Variants in RYR3 observed in about 807,000 individuals in gnomAD.
RYR3 encodes brain ryanodine receptor-calcium release channel.
Under a neutral mutation model 584.3 loss-of-function variants are expected in RYR3, and 207 were observed. The observed-to-expected ratio is 0.35, with a 90% CI of 0.32 to 0.40. RYR3 has a LOEUF of 0.40. RYR3 is among the 10% of genes least tolerant of loss of function. The pLI, the probability that RYR3 is intolerant of heterozygous loss-of-function variation, is 1.00. For synonymous variants in RYR3, 2,416 were observed against 2,248.5 expected (o/e 1.07, Z -2.11); for missense variants, 5,616 against 6,089.2 (o/e 0.92, Z 2.59).
At chr15:33,778,170 AAAAT>A (rs112695825) in intron 64 of RYR3, among the ~76,000 whole-genome samples, 13 of 148,298 alleles carry the variant, frequency 8.8e-5, no homozygotes, top group East Asian at 2.0e-4. Context: ...ACTCTGTCTC[AAAAT>A]AAATAAATAA....
chr15:33,417,078 T>C (rs1055481272), intron 1 of RYR3, among the ~76,000 whole-genome samples: 1 of 152,182 alleles, frequency 6.6e-6, no homozygotes, highest in Non-Finnish European at 1.5e-5. Flanking sequence ...TACCATGCTA[T>C]TTTGGTTACT....
At chr15:33,318,653 A>G (rs1463542146) in intron 1 of RYR3, among the ~76,000 whole-genome samples, 3 of 152,296 alleles carry the variant, frequency 2.0e-5, no homozygotes, top group African/African-American at 7.2e-5. Flanking sequence ...CTCCATCTTT[A>G]TTTAGACCTT....
chr15:33,653,007 A>G (rs916106913), intron 32 of RYR3, 124 bp downstream of exon 32: 18 of 912,866 alleles, frequency 2.0e-5, no homozygotes, highest in African/African-American at 1.4e-4. Context: ...CATGTGGGCC[A>G]TGGGCCACTT....
chr15:33,816,986 T>C (rs767313415), intron 75 of RYR3, 28 bp downstream of exon 75: 1 of 1,357,048 alleles, frequency 7.4e-7, no homozygotes, highest in Non-Finnish European at 1.0e-6. Context: ...TGGGAGCAGA[T>C]ATGAGTGTGG....
intron 2 of RYR3, among the ~76,000 whole-genome samples, chr15:33,474,042 C>T (rs1013471541): frequency 3.9e-5 from 6 of 152,204 alleles, no homozygotes; most frequent in African/African-American, 7.2e-5. Flanking sequence ...CACTGGTCTC[C>T]GCCTGCATGG....
intron 94 of RYR3, among the ~76,000 whole-genome samples, chr15:33,848,826 CTTTTTTTTT>C (rs769204969): frequency 8.4e-4 from 63 of 75,254 alleles, no homozygotes; most frequent in African/African-American, 3.6e-3. Context: ...CTGAAGTCCT[CTTTTTTTTT>C]TTTTTTTTTT....
At chr15:33,702,228 G>A (rs1415532307) in intron 42 of RYR3, among the ~76,000 whole-genome samples, 2 of 152,268 alleles carry the variant, frequency 1.3e-5, no homozygotes, top group East Asian at 1.9e-4. Context: ...GGAGGTCACC[G>A]TAGAGCCAAG....
At chr15:33,790,130 A>C (rs1410091827) in intron 67 of RYR3, among the ~76,000 whole-genome samples, 1 of 151,260 alleles carries the variant, frequency 6.6e-6, no homozygotes, top group Non-Finnish European at 1.5e-5. Flanking sequence ...AGCTGGGACT[A>C]CAGGCGCACA....
chr15:33,585,962 TAA>T lies in RYR3; in HGVS notation c.1670-35_1670-34del. 3 of 1,324,236 alleles carry T rather than the reference TAA, an allele frequency of 2.3e-6. No individual in the cohort carries two copies. In the African/African-American group the frequency reaches 4.3e-5, roughly 19 times the overall value. 82.0% of individuals were successfully genotyped at this position (1,324,236 alleles called of 1,614,324 possible). A position where few individuals can be genotyped will look rare whatever the true frequency, so the allele number is the denominator to read the frequency against. On this transcript the variant is annotated intron_variant, in intron 15 of 103. Transcript: ENST00000634891. Reference sequence around the variant, plus strand: ...ATTGTGGTCACTTCTGCAGGGCATTTAATGTCCAAATTTGATGTTTGTGGCAT... The same window carrying T: ...ATTGTGGTCACTTCTGCAGGGCATTTTGTCCAAATTTGATGTTTGTGGCAT...
At chr15:33,543,512 TCA>T in intron 7 of RYR3, 108 bp from the exon 8 acceptor site, 1 of 748,020 alleles carries the variant, frequency 1.3e-6, no homozygotes. Flanking sequence ...TGTGTCTCTC[TCA>T]GTATTTACCG....
intron 10 of RYR3, among the ~76,000 whole-genome samples, chr15:33,560,758 T>C (rs905678884): frequency 2.6e-5 from 4 of 152,222 alleles, no homozygotes; most frequent in African/African-American, 7.2e-5. Flanking sequence ...GATAAATGCA[T>C]TCTTGATGAA....
intron 32 of RYR3, among the ~76,000 whole-genome samples, chr15:33,658,849 C>A (rs992805737): frequency 6.6e-6 from 1 of 152,140 alleles, no homozygotes; most frequent in Non-Finnish European, 1.5e-5. Flanking sequence ...CAGTAAATGC[C>A]AAACCCTTCA....
intron 70 of RYR3, among the ~76,000 whole-genome samples, chr15:33,808,891 G>T (rs147819360): frequency 1.3e-5 from 2 of 152,088 alleles, no homozygotes; most frequent in Non-Finnish European, 2.9e-5. Flanking sequence ...AGCACTGGAC[G>T]CAAGATACCC....
rs540430915 is a variant in RYR3, at chr15:33,414,017, G to A, written c.52-59402G>A. On this transcript the variant is annotated intron_variant, in intron 1 of 103. Transcript: ENST00000634891. The stretch of plus-strand genomic sequence containing the variant: ...CATCTGAGATACATTTAGAATGAAT[G>A]CTACTATACTAATAAAACATTAAAA... Among the ~76,000 whole-genome samples, 22 of 152,240 alleles carry A rather than the reference G, an allele frequency of 1.4e-4. No homozygotes were observed. The Middle Eastern group carries it at 0.01, about 71-fold the overall frequency.
chr15:33,756,515 G>T (rs2071848699), intron 59 of RYR3, 142 bp downstream of exon 59: 1 of 695,836 alleles, frequency 1.4e-6, no homozygotes, highest in Non-Finnish European at 2.5e-6. Flanking sequence ...TCGTGTAACA[G>T]TCCCAAGGGA....
chr15:33,793,918 C>CAT (rs1642537380), intron 67 of RYR3, among the ~76,000 whole-genome samples: 1 of 82,572 alleles, frequency 1.2e-5, no homozygotes, highest in African/African-American at 3.6e-5. Flanking sequence ...TACACACACA[C>CAT]ACACTCTATA....
intron 12 of RYR3, among the ~76,000 whole-genome samples, chr15:33,574,314 G>A (rs554095415): frequency 5.3e-5 from 8 of 152,140 alleles, no homozygotes; most frequent in Admixed American, 1.3e-4. Flanking sequence ...CAAAACGTAA[G>A]CCCTGGAACT....
intron 100 of RYR3, among the ~76,000 whole-genome samples, 156 bp from the exon 101 acceptor site, chr15:33,860,439 A>G (rs1261125566): frequency 1.3e-5 from 2 of 152,214 alleles, no homozygotes; most frequent in African/African-American, 4.8e-5. Context: ...ATTGTTAGCC[A>G]GGATGTAACA....
In RYR3 at chr15:33,573,326, T is replaced by G. The variant is rs562748446; in HGVS notation, c.1268+6527T>G. ...GAAGTAGATTCTTCTTTCCCATCTCTTTTGAGAAACCAACTTTGTATGCTG... is the reference window on the plus strand; with the variant it reads ...GAAGTAGATTCTTCTTTCCCATCTCGTTTGAGAAACCAACTTTGTATGCTG... On this transcript the variant is annotated intron_variant, in intron 12 of 103. Transcript: ENST00000634891. Among the ~76,000 whole-genome samples the G allele has an allele frequency of 8.5e-5, 13 of 152,326 alleles. No homozygotes were observed. In the East Asian group the frequency reaches 1.9e-3, roughly 23 times the overall value.
Sources: allele counts gnomAD v4.1 joint callset (sites outside exome capture counted in the v4.1 genomes callset), GRCh38; gene constraint gnomAD v4.1.1; transcripts MANE v1.5; gene names NCBI Gene and HGNC (gene_info 2026-07-23, HGNC 2026-07-21).